ATG7: variants seen among roughly 807,000 people sequenced by gnomAD.
ATG7 encodes the protein autophagy related 7, also known as ubiquitin-like modifier-activating enzyme ATG7.
In ATG7, 70 loss-of-function variants were observed where a neutral mutation model predicts 82.4. The ratio of observed to expected loss-of-function variants is 0.85; its 90% confidence interval spans 0.70 to 1.04. The LOEUF is 1.04. Ranked by LOEUF, ATG7 falls within the 50% of genes least tolerant of loss-of-function variation. The probability of loss-of-function intolerance (pLI) is 0.00; values close to 1 mark genes in which losing one functional copy is unlikely to be tolerated. For synonymous variants in ATG7, 287 were observed against 313.0 expected (o/e 0.92, Z 0.88); for missense variants, 792 against 864.3 (o/e 0.92, Z 1.05).
At chr3:11,371,852 C>A (rs1256103279) in intron 18 of ATG7, among the ~76,000 whole-genome samples, 1 of 151,376 alleles carries the variant, frequency 6.6e-6, no homozygotes, top group Non-Finnish European at 1.5e-5. Context: ...CAGTGCACAT[C>A]TGCAGCCCCA....
At chr3:11,344,011 A>G (rs1264123129) in intron 13 of ATG7, among the ~76,000 whole-genome samples, 2 of 152,074 alleles carry the variant, frequency 1.3e-5, no homozygotes, top group Non-Finnish European at 2.9e-5. Context: ...TAGGCCTTCC[A>G]TGTATCTAAT....
intron 19 of ATG7, among the ~76,000 whole-genome samples, chr3:11,395,939 CA>C (rs869125190): frequency 0.024 from 600 of 25,444 alleles, 51 homozygotes; most frequent in East Asian, 0.038. Flanking sequence ...GACTCTGTCT[CA>C]AAAAAAAAAA....
At chr3:11,467,463 G>GC (rs2086947866) in intron 20 of ATG7, among the ~76,000 whole-genome samples, 1 of 152,008 alleles carries the variant, frequency 6.6e-6, no homozygotes, top group African/African-American at 2.4e-5. Context: ...TGCAACCTCC[G>GC]CCCCCCAGCT....
At chr3:11,537,581 G>A (rs1011390352) in intron 20 of ATG7, among the ~76,000 whole-genome samples, 6 of 152,158 alleles carry the variant, frequency 3.9e-5, no homozygotes, top group African/African-American at 1.4e-4. Context: ...CAAAGATCCA[G>A]GGGTCACAAT....
the ATG7 span, among the ~76,000 whole-genome samples, chr3:11,572,207 G>C: frequency 6.6e-6 from 1 of 152,154 alleles, no homozygotes; most frequent in African/African-American, 2.4e-5. Context: ...TCATATGCTA[G>C]ACCTCATCTT....
intron 3 of ATG7, among the ~76,000 whole-genome samples, chr3:11,289,608 A>G (rs1360407942): frequency 6.6e-6 from 1 of 152,168 alleles, no homozygotes; most frequent in Non-Finnish European, 1.5e-5. Context: ...TATGCAAATT[A>G]CTTTTGTGCA....
intron 14 of ATG7, among the ~76,000 whole-genome samples, chr3:11,355,423 G>A (rs1054125178): frequency 3.3e-5 from 5 of 152,190 alleles, no homozygotes; most frequent in Admixed American, 2.0e-4. Context: ...CTCAAAAGAT[G>A]CCTTTCAAAG....
At chr3:11,519,539 G>GTTTTTGTTTTTTTTT in intron 20 of ATG7, among the ~76,000 whole-genome samples, 1 of 62,210 alleles carries the variant, frequency 1.6e-5, no homozygotes, top group Non-Finnish European at 3.3e-5. Flanking sequence ...AGTGAGAGGA[G>GTTTTTGTTTTTTTTT]TTTTTTTTTT....
intron 20 of ATG7, among the ~76,000 whole-genome samples, chr3:11,460,521 A>G (rs567567264): frequency 6.6e-6 from 1 of 152,352 alleles, no homozygotes; most frequent in South Asian, 2.1e-4. Flanking sequence ...GCCTAGTTCA[A>G]GATGAGGGCT....
At chr3:11,545,779 C>T (rs1349600570) in intron 20 of ATG7, among the ~76,000 whole-genome samples, 2 of 152,190 alleles carry the variant, frequency 1.3e-5, no homozygotes, top group East Asian at 1.9e-4. Context: ...CCTTTTTCTC[C>T]TCTAGTCCCT....
chr3:11,527,881 T>C (rs1245842189), intron 20 of ATG7, among the ~76,000 whole-genome samples: 1 of 152,246 alleles, frequency 6.6e-6, no homozygotes, highest in Non-Finnish European at 1.5e-5. Flanking sequence ...AGCAGGTATT[T>C]TCATTTCCTT....
At chr3:11,482,689 T>A (rs1402025783) in intron 20 of ATG7, among the ~76,000 whole-genome samples, 1 of 152,140 alleles carries the variant, frequency 6.6e-6, no homozygotes, top group African/African-American at 2.4e-5. Context: ...ATCTGAGTGA[T>A]AGAGAGCTGA....
chr3:11,409,622 T>G (rs935706221), intron 19 of ATG7, among the ~76,000 whole-genome samples: 1 of 152,256 alleles, frequency 6.6e-6, no homozygotes, highest in African/African-American at 2.4e-5. Flanking sequence ...TTTGGTGTTG[T>G]ATCTAAAAAG....
At chr3:11,310,419 G>A (rs1452403291) in intron 7 of ATG7, among the ~76,000 whole-genome samples, 5 of 152,114 alleles carry the variant, frequency 3.3e-5, no homozygotes, top group South Asian at 2.1e-4. Context: ...CCTAGATGCA[G>A]GGGAGGCCTC....
chr3:11,341,989 C>T (rs1053268655), intron 12 of ATG7, 146 bp from the exon 13 acceptor site: 2 of 982,920 alleles, frequency 2.0e-6, no homozygotes, highest in African/African-American at 3.3e-5. Context: ...TTTCTCCTCC[C>T]TGCTTACCCT....
In ATG7 at chr3:11,340,676, C is replaced by G; in HGVS notation, c.921C>G (p.Asn307Lys). 6 of 1,613,560 alleles carry G rather than the reference C, an allele frequency of 3.7e-6. No homozygotes were observed. In the South Asian group the frequency reaches 6.6e-5, roughly 18 times the overall value. The stretch of plus-strand genomic sequence containing the variant: ...CTAAAGCAGTTGGATGGGAAAAGAA[C>G]CAGAAAGGAGGCATGGGACCAAGGA... ...DCPKAVGWEK[N>K]QKGGMGPRMV... is the part of the protein sequence containing the mutation. The change falls in exon 12 of 21, where the codon AAC (asparagine) becomes AAG (lysine). Residue 307 changes from asparagine (N) to lysine (K), a missense_variant. Coordinates refer to ENST00000693202, the MANE Select transcript of ATG7 (RefSeq NM_001349232.2).
chr3:11,299,231 G>A (rs1559348872), intron 4 of ATG7, 131 bp from the exon 5 acceptor site: 1 of 811,850 alleles, frequency 1.2e-6, no homozygotes. Context: ...TATCTATGTA[G>A]CATAGATAAT....
intron 16 of ATG7, among the ~76,000 whole-genome samples, chr3:11,361,420 G>T (rs1446849287): frequency 6.6e-6 from 1 of 151,902 alleles, no homozygotes; most frequent in East Asian, 1.9e-4. Flanking sequence ...GAGTAGCTGA[G>T]ATTACAGGTG....
intron 3 of ATG7, among the ~76,000 whole-genome samples, chr3:11,287,631 TTAATAAA>T (rs1384879221): frequency 1.3e-5 from 2 of 152,240 alleles, no homozygotes; most frequent in African/African-American, 4.8e-5. Flanking sequence ...GTTATGAGCC[TTAATAAA>T]TATCAAATGA....
Sources: gnomAD v4.1 joint callset for allele counts (sites outside exome capture counted in the v4.1 genomes callset) on GRCh38, gnomAD v4.1.1 for gene constraint, MANE v1.5 for transcripts, NCBI Gene and HGNC (gene_info 2026-07-23, HGNC 2026-07-21) for gene names.